The following PGK1 variants were observed in gnomAD, a reference collection of about 807,000 sequenced individuals.
PGK1 encodes phosphoglycerate kinase 1.
A neutral mutation model predicts 26.9 loss-of-function variants in PGK1; 3 were observed. That is an observed-to-expected ratio of 0.11 (90% CI 0.05 to 0.29). PGK1 has a LOEUF of 0.29. Among genes scored for constraint, PGK1 ranks in the 10% least tolerant of loss-of-function variants. The pLI, the probability that PGK1 is intolerant of heterozygous loss-of-function variation, is 1.00. For synonymous variants in PGK1, 125 were observed against 115.3 expected, an observed-to-expected ratio of 1.08 and a Z score of -0.54; for missense variants, 270 against 314.7, an observed-to-expected ratio of 0.86 and a Z score of 1.07.
At chrX:78,114,303 T>C (rs2078316032) in intron 4 of PGK1, 143 bp downstream of exon 4, 1 of 614,825 alleles carries the variant, frequency 1.6e-6, no homozygotes, top group Non-Finnish European at 2.7e-6. Flanking sequence ...TGATGGGTTA[T>C]CTCAAAGTAA....
In PGK1 at chrX:78,114,006, C is replaced by T; in HGVS notation, c.273-10C>T. ...ACTGCTCAAGTGTCTTCATCTCTTC[C>T]TCTTCTCAGGGATGTTCTGTTCTTG... On this transcript the variant is annotated splice_polypyrimidine_tract_variant and intron_variant, in intron 3 of 10. Transcript: ENST00000373316. The T allele has an allele frequency of 8.3e-7, 1 of 1,210,936 alleles. No individual in the cohort carries two copies. The highest frequency in any genetic ancestry group is 1.1e-6 in the Non-Finnish European group (1 of 894,848).
rs1557248382 is a variant in PGK1 at position 78,124,142 on chromosome X, A to G, written c.937-732A>G. On this transcript the variant is annotated intron_variant, in intron 8 of 10. Transcript: ENST00000373316. The stretch of plus-strand genomic sequence containing the variant: ...TATAGTTGATTTTAGGGTGCTCCAA[A>G]TATCATTTTGATTGCTGTATAAAAT... Among the ~76,000 whole-genome samples the G allele has an allele frequency of 7.2e-5, 8 of 111,850 alleles. No individual in the cohort carries two copies. The South Asian group carries it at 3.0e-3, about 41-fold the overall frequency.
rs181421254 is a variant in PGK1 at position 78,127,153 on chromosome X, A to T, written c.*1323A>T. 1 of 112,658 alleles carries T rather than the reference A, an allele frequency of 8.9e-6. No homozygotes were observed. Among genetic ancestry groups the T allele is most frequent in the Admixed American group, 9.4e-5 (1 of 10,654 alleles). 9.3% of individuals were successfully genotyped at this position (112,658 alleles called of 1,213,427 possible). On this transcript the variant is annotated 3_prime_UTR_variant, in exon 11 of 11. Coordinates refer to ENST00000373316, the MANE Select transcript of PGK1 (RefSeq NM_000291.4). The stretch of plus-strand genomic sequence containing the variant: ...CTTGGTCTACTTTTTGTAGAACACA[A>T]GACTCTACTAGCTTCCTGAGAAAGG...
At chrX:78,116,553 C>G (rs2078327518) in intron 4 of PGK1, among the ~76,000 whole-genome samples, 1 of 112,109 alleles carries the variant, frequency 8.9e-6, no homozygotes, top group African/African-American at 3.2e-5. Context: ...TGTCCCCTTT[C>G]ATCTGGCTTG....
rs1392589632 is a variant in PGK1 at position 78,126,717 on chromosome X, C to G, written c.*887C>G. On this transcript the variant is annotated 3_prime_UTR_variant, in exon 11 of 11. Coordinates refer to ENST00000373316, the MANE Select transcript of PGK1 (RefSeq NM_000291.4). ...AGGCTCTGTTCCACATATATTTCCA[C>G]TTCTTCATTCTCTCGGTATAGTTTT... The G allele has an allele frequency of 9.0e-6, 1 of 110,775 alleles. No individual in the cohort carries two copies. The allele number at this position is 110,775 out of a possible 1,213,427, so 9.1% of individuals were successfully genotyped here. A position where few individuals can be genotyped will look rare whatever the true frequency, so the allele number is the denominator to read the frequency against.
intron 6 of PGK1, among the ~76,000 whole-genome samples, chrX:78,119,560 T>C (rs1201308211): frequency 8.9e-6 from 1 of 112,120 alleles, no homozygotes; most frequent in Non-Finnish European, 1.9e-5. Context: ...TAGTTGCTTA[T>C]ACTGTTTGGC....
At position 78,104,265 on chromosome X, in the gene PGK1, C is replaced by T. The variant is rs1346885008; in HGVS notation, c.-76C>T. ...CGCGCGGTGTTCCGCATTCTGCAAGCCTCCGGAGCGCACGTCGGCAGTCGG... is the reference window on the plus strand; with the variant it reads ...CGCGCGGTGTTCCGCATTCTGCAAGTCTCCGGAGCGCACGTCGGCAGTCGG... On this transcript the variant is annotated 5_prime_UTR_variant, in exon 1 of 11. Coordinates refer to ENST00000373316, the MANE Select transcript of PGK1 (RefSeq NM_000291.4). 1.3e-6 allele frequency: 1 copy of T among 771,572 alleles called. No homozygotes were observed. The highest frequency in any genetic ancestry group is 2.0e-6 in the Non-Finnish European group (1 of 500,161). The allele number at this position is 771,572 out of a possible 1,213,427, so 63.6% of individuals were successfully genotyped here. A position where few individuals can be genotyped will look rare whatever the true frequency, so the allele number is the denominator to read the frequency against.
intron 2 of PGK1, among the ~76,000 whole-genome samples, chrX:78,110,981 TTTTA>T (rs200539370): frequency 1.1e-4 from 7 of 66,300 alleles, no homozygotes; most frequent in African/African-American, 4.9e-4. Context: ...TTTTTGTAGA[TTTTA>T]TATATATATA....
At chrX:78,107,744 A>T (rs1432298653) in intron 1 of PGK1, among the ~76,000 whole-genome samples, 14 of 111,498 alleles carry the variant, frequency 1.3e-4, no homozygotes, top group African/African-American at 4.6e-4. Flanking sequence ...TTTCATGGGT[A>T]AACACCTAGG....
At chrX:78,125,294 CT>C in intron 9 of PGK1, 32 bp from the exon 10 acceptor site, 1 of 1,081,246 alleles carries the variant, frequency 9.2e-7, no homozygotes, top group East Asian at 3.0e-5. Context: ...TCTTTTCTCT[CT>C]TTTCCCTTTT....
chrX:78,122,184 G>A (rs2149135736), intron 6 of PGK1, among the ~76,000 whole-genome samples: 1 of 111,118 alleles, frequency 9.0e-6, no homozygotes, highest in Admixed American at 9.6e-5. Context: ...CTCCAGCCTC[G>A]GCAACAGAGT....
At chrX:78,105,095 A>G (rs1557246056) in intron 1 of PGK1, among the ~76,000 whole-genome samples, 1 of 112,387 alleles carries the variant, frequency 8.9e-6, no homozygotes, top group East Asian at 2.8e-4. Context: ...GTGGCTGCTC[A>G]TACTTGCTGG....
At chrX:78,123,122 C>A in intron 7 of PGK1, 73 bp from the exon 8 acceptor site, 1 of 837,404 alleles carries the variant, frequency 1.2e-6, no homozygotes, top group African/African-American at 2.0e-5. Flanking sequence ...GTGTCTGGTT[C>A]CTGTCTGCTT....
At position 78,129,142 on chromosome X, in the gene PGK1, A is replaced by C. The variant is rs1845625182; in HGVS notation, c.*3312A>C. 1 of 111,457 alleles carries C rather than the reference A, an allele frequency of 9.0e-6. No individual in the cohort carries two copies. The highest frequency in any genetic ancestry group is 2.8e-4 in the East Asian group (1 of 3,561). 9.2% of individuals were successfully genotyped at this position (111,457 alleles called of 1,213,427 possible). ...CGTGAACCTGGGAAGCGGAGCTCGC[A>C]GTGAGCCGAGATCACGCCACTGCAC... On this transcript the variant is annotated 3_prime_UTR_variant, in exon 11 of 11. Transcript: ENST00000373316.
chrX:78,118,690 A>G (rs919740225), intron 6 of PGK1, among the ~76,000 whole-genome samples: 3 of 111,903 alleles, frequency 2.7e-5, no homozygotes, highest in African/African-American at 9.8e-5. Flanking sequence ...GGGGCTACCA[A>G]CAGGCATCAC....
intron 1 of PGK1, chrX:78,106,727 T>C (rs2078274285): frequency 1.9e-6 from 1 of 518,012 alleles, no homozygotes; most frequent in Non-Finnish European, 2.4e-6. Context: ...TCCATCTTAG[T>C]TTTTTAGGAC....
chrX:78,104,284 C>T lies in PGK1; in HGVS notation c.-57C>T, dbSNP rs1485139539. Reference sequence around the variant, plus strand: ...TGCAAGCCTCCGGAGCGCACGTCGGCAGTCGGCTCCCTCGTTGACCGAATC... The same window carrying T: ...TGCAAGCCTCCGGAGCGCACGTCGGTAGTCGGCTCCCTCGTTGACCGAATC... On this transcript the variant is annotated 5_prime_UTR_variant, in exon 1 of 11. Coordinates refer to ENST00000373316, the MANE Select transcript of PGK1 (RefSeq NM_000291.4). 18 of 905,857 alleles carry T rather than the reference C, an allele frequency of 2.0e-5. No homozygotes were observed. The highest frequency in any genetic ancestry group is 1.5e-4 in the East Asian group (5 of 32,290). The allele number at this position is 905,857 out of a possible 1,213,427, so 74.7% of individuals were successfully genotyped here.
intron 1 of PGK1, among the ~76,000 whole-genome samples, chrX:78,108,827 TAAC>T (rs1297378550): frequency 1.4e-4 from 16 of 112,021 alleles, no homozygotes; most frequent in Admixed American, 1.3e-3. Flanking sequence ...GAGAAACATA[TAAC>T]AACAACACTT....
intron 6 of PGK1, among the ~76,000 whole-genome samples, chrX:78,118,474 G>A (rs2078336948): frequency 9.0e-6 from 1 of 110,916 alleles, no homozygotes; most frequent in African/African-American, 3.3e-5. Context: ...AGTTACCAGA[G>A]AGGCTGAGGT....
Sources: gnomAD v4.1 joint callset for allele counts (sites outside exome capture counted in the v4.1 genomes callset) on GRCh38, gnomAD v4.1.1 for gene constraint, MANE v1.5 for transcripts, NCBI Gene and HGNC (gene_info 2026-07-23, HGNC 2026-07-21) for gene names.